Variants in PARM1 observed in about 807,000 individuals in gnomAD.
PARM1 encodes WSC4, cell wall integrity and stress response component 4 homolog.
PARM1 carries 14 observed loss-of-function variants against 24.6 expected under a neutral mutation model. The ratio of observed to expected loss-of-function variants is 0.57; its 90% confidence interval spans 0.38 to 0.89. The LOEUF (loss-of-function observed/expected upper bound fraction) is 0.89. PARM1 is among the 40% of genes least tolerant of loss of function. PARM1 has a pLI of 0.00. For synonymous variants in PARM1, 179 were observed against 156.6 expected (o/e 1.14, Z -1.07); for missense variants, 362 against 380.4 (o/e 0.95, Z 0.40).
intron 1 of PARM1, among the ~76,000 whole-genome samples, chr4:75,000,677 G>C (rs1722662581): frequency 1.3e-5 from 2 of 152,230 alleles, no homozygotes; most frequent in African/African-American, 4.8e-5. Context: ...GCGGCACATA[G>C]ATGCCCTTAG....
intron 3 of PARM1, among the ~76,000 whole-genome samples, chr4:75,040,431 C>T (rs926054602): frequency 3.3e-5 from 5 of 151,862 alleles, no homozygotes; most frequent in African/African-American, 9.7e-5. Context: ...TAAAAGAAAC[C>T]CAGAGTCTGG....
At chr4:75,024,359 G>T (rs1183100351) in intron 2 of PARM1, among the ~76,000 whole-genome samples, 4 of 152,136 alleles carry the variant, frequency 2.6e-5, no homozygotes, top group African/African-American at 9.7e-5. Context: ...TGAGTCCTTG[G>T]GACTGTAGTA....
intron 1 of PARM1, among the ~76,000 whole-genome samples, chr4:74,948,859 AAAAAT>A (rs1721455629): frequency 6.6e-6 from 1 of 152,078 alleles, no homozygotes; most frequent in African/African-American, 2.4e-5. Flanking sequence ...TGTTTCTACT[AAAAAT>A]ACAAAAAATT....
intron 1 of PARM1, chr4:74,970,503 G>A (rs1040323385): frequency 6.6e-6 from 1 of 152,240 alleles, no homozygotes; most frequent in South Asian, 2.1e-4. Context: ...GCAGAGGGAA[G>A]GGCCAGGTCT....
chr4:74,965,804 A>C (rs1007357562), intron 1 of PARM1, among the ~76,000 whole-genome samples: 1 of 152,200 alleles, frequency 6.6e-6, no homozygotes, highest in Non-Finnish European at 1.5e-5. Context: ...CAAAAGTGTC[A>C]AGGTGATGAA....
At chr4:74,954,101 AATTATT>A (rs1220511662) in intron 1 of PARM1, among the ~76,000 whole-genome samples, 2 of 152,194 alleles carry the variant, frequency 1.3e-5, no homozygotes, top group Non-Finnish European at 2.9e-5. Context: ...ATCCACAGTA[AATTATT>A]ATTAAGTTAC....
chr4:74,978,138 G>C (rs1722172984), intron 1 of PARM1, among the ~76,000 whole-genome samples: 1 of 152,100 alleles, frequency 6.6e-6, no homozygotes. Flanking sequence ...AATGTAAATG[G>C]GCTAAATGCC....
intron 1 of PARM1, among the ~76,000 whole-genome samples, chr4:74,988,689 GT>G (rs1045201101): frequency 1.3e-5 from 2 of 152,316 alleles, no homozygotes; most frequent in African/African-American, 4.8e-5. Context: ...ATCAGGGGCT[GT>G]TTTAAGCATA....
At chr4:75,044,199 A>G (rs1344978680) in intron 3 of PARM1, among the ~76,000 whole-genome samples, 1 of 152,224 alleles carries the variant, frequency 6.6e-6, no homozygotes, top group African/African-American at 2.4e-5. Flanking sequence ...TTTCACATCT[A>G]GCTGAGATAA....
At chr4:74,935,210 G>A (rs138663071) in intron 1 of PARM1, among the ~76,000 whole-genome samples, 67 of 152,042 alleles carry the variant, frequency 4.4e-4, no homozygotes, top group African/African-American at 1.4e-3. Flanking sequence ...AAGACATACT[G>A]CCTCATTTCC....
intron 1 of PARM1, among the ~76,000 whole-genome samples, chr4:74,980,935 C>G (rs1237271633): frequency 6.6e-6 from 1 of 152,192 alleles, no homozygotes; most frequent in African/African-American, 2.4e-5. Context: ...AAAATTGAAA[C>G]TTCCTTATAT....
intron 1 of PARM1, among the ~76,000 whole-genome samples, chr4:74,994,730 T>C (rs1350940191): frequency 6.6e-6 from 1 of 151,582 alleles, no homozygotes; most frequent in Non-Finnish European, 1.5e-5. Context: ...GAAGCAAAGG[T>C]TGCAATGAGC....
At chr4:75,044,391 C>T (rs1391320485) in intron 3 of PARM1, among the ~76,000 whole-genome samples, 1 of 152,146 alleles carries the variant, frequency 6.6e-6, no homozygotes, top group Non-Finnish European at 1.5e-5. Context: ...CAGGGAGCTC[C>T]CGTCTTATGA....
chr4:75,043,136 T>C (rs1723533507), intron 3 of PARM1, among the ~76,000 whole-genome samples: 1 of 152,152 alleles, frequency 6.6e-6, no homozygotes, highest in Non-Finnish European at 1.5e-5. Flanking sequence ...TCCAACATAC[T>C]AATAAACTTT....
chr4:75,014,394 C>T (rs1722938472), intron 2 of PARM1, among the ~76,000 whole-genome samples: 1 of 152,058 alleles, frequency 6.6e-6, no homozygotes, highest in Non-Finnish European at 1.5e-5. Flanking sequence ...GAACTAATGA[C>T]AAAGGTCTGG....
intron 1 of PARM1, among the ~76,000 whole-genome samples, chr4:74,979,263 T>C (rs990758021): frequency 4.0e-5 from 6 of 151,506 alleles, no homozygotes; most frequent in African/African-American, 1.2e-4. Flanking sequence ...ATAAACACAA[T>C]AAAAAATGAT....
chr4:74,935,520 CAT>C (rs1482489194), intron 1 of PARM1, among the ~76,000 whole-genome samples: 1 of 152,180 alleles, frequency 6.6e-6, no homozygotes, highest in Admixed American at 6.5e-5. Flanking sequence ...AGTGCACACA[CAT>C]GTGTTTTGGG....
At chr4:74,951,232 C>T (rs994672989) in intron 1 of PARM1, among the ~76,000 whole-genome samples, 1 of 152,212 alleles carries the variant, frequency 6.6e-6, no homozygotes, top group Non-Finnish European at 1.5e-5. Context: ...TTCACTTCTC[C>T]TCTGCCAGGT....
At chr4:75,034,018 G>C (rs1269520078) in intron 3 of PARM1, 57 bp downstream of exon 3, 1 of 1,390,842 alleles carries the variant, frequency 7.2e-7, no homozygotes, top group African/African-American at 1.4e-5. Flanking sequence ...GCTCTGGGCT[G>C]AGCGCTGTTT....
Sources: gnomAD v4.1 joint callset for allele counts (sites outside exome capture counted in the v4.1 genomes callset) on GRCh38, gnomAD v4.1.1 for gene constraint, MANE v1.5 for transcripts, NCBI Gene and HGNC (gene_info 2026-07-23, HGNC 2026-07-21) for gene names.